The following DOCK10 variants were observed in gnomAD, a reference collection of about 807,000 sequenced individuals.
The protein encoded by DOCK10 is dedicator of cytokinesis 10.
A neutral mutation model predicts 280.1 loss-of-function variants in DOCK10; 145 were observed. That is an observed-to-expected ratio of 0.52 (90% CI 0.45 to 0.59). DOCK10 has a LOEUF of 0.59. Among genes scored for constraint, DOCK10 ranks in the 20% least tolerant of loss-of-function variants. DOCK10 has a pLI of 0.00. For missense variants in DOCK10, 2,368 were observed against 2,651.7 expected, an observed-to-expected ratio of 0.89 and a Z score of 2.35; for synonymous variants, 915 against 942.2, an observed-to-expected ratio of 0.97 and a Z score of 0.53.
At chr2:224,983,554 G>C (rs994887989) in intron 1 of DOCK10, 1 of 293,516 alleles carries the variant, frequency 3.4e-6, no homozygotes, top group African/African-American at 2.2e-5. Context: ...GGCGTGAAGG[G>C]TGCTGCAGGA....
intron 23 of DOCK10, 61 bp downstream of exon 23, chr2:224,841,741 TAA>T: frequency 8.6e-7 from 1 of 1,156,722 alleles, no homozygotes; most frequent in South Asian, 1.3e-5. Context: ...GTGGAAAATG[TAA>T]AAGTCTCTTT....
chr2:224,830,514 A>G, intron 27 of DOCK10, 27 bp downstream of exon 27: 1 of 1,198,512 alleles, frequency 8.3e-7, no homozygotes, highest in Admixed American at 2.9e-5. Flanking sequence ...TAAAAATATT[A>G]TAATATTATA....
intron 32 of DOCK10, 32 bp downstream of exon 32, chr2:224,807,879 G>A: frequency 1.3e-6 from 2 of 1,599,942 alleles, no homozygotes; most frequent in Non-Finnish European, 1.7e-6. Context: ...ATTAAATGGT[G>A]TTTAGGGAAG....
At position 224,770,730 on chromosome 2, in the gene DOCK10, A is replaced by G; in HGVS notation, c.6205-85T>C. 2 of 951,264 alleles carry G rather than the reference A, an allele frequency of 2.1e-6. No homozygotes were observed. The highest frequency in any genetic ancestry group is 2.4e-5 in the East Asian group (1 of 41,160). 58.9% of individuals were successfully genotyped at this position (951,264 alleles called of 1,614,324 possible). On this transcript the variant is annotated intron_variant, in intron 53 of 55. Coordinates refer to ENST00000258390, the MANE Select transcript of DOCK10 (RefSeq NM_014689.3). This position sits in a 1 kb window ranked among gnomAD's most constrained non-coding sequence, Gnocchi z 4.5. ...CTGGAAGAGGAGCAACTGTGCACCA[A>G]TGGTGTGGTACCCCCATCTCACACC...
intron 51 of DOCK10, among the ~76,000 whole-genome samples, 178 bp from the exon 52 acceptor site, chr2:224,775,293 G>A (rs1473235425): frequency 6.6e-6 from 1 of 152,172 alleles, no homozygotes; most frequent in Non-Finnish European, 1.5e-5. Context: ...AGGCTGGACT[G>A]CAGCTGAGCA....
intron 1 of DOCK10, among the ~76,000 whole-genome samples, chr2:225,012,316 C>T (rs4673129): frequency 0.74 from 112,318 of 152,102 alleles, 42,415 homozygotes; most frequent in Middle Eastern, 0.87. Flanking sequence ...GCTGAACGTA[C>T]CCTGAATTAC....
rs574888397 is a variant in DOCK10 at position 224,885,330 on chromosome 2, T to A, written c.747+341A>T. On this transcript the variant is annotated intron_variant, in intron 7 of 55. Transcript: ENST00000258390. ...CTCATTCTTTGGTCTGTAGATCAAA[T>A]GATCTCTCTTCAAAAATGCTCTTCT... Among the ~76,000 whole-genome samples, 10 of 152,340 alleles carry A rather than the reference T, an allele frequency of 6.6e-5. No individual in the cohort carries two copies. In the East Asian group the frequency reaches 1.9e-3, roughly 29 times the overall value.
intron 2 of DOCK10, among the ~76,000 whole-genome samples, chr2:224,919,696 G>A (rs928496449): frequency 6.6e-6 from 1 of 151,946 alleles, no homozygotes; most frequent in Non-Finnish European, 1.5e-5. Flanking sequence ...TGGGTGTGAT[G>A]TGTTGGTGTG....
At position 225,042,353 on chromosome 2, in the gene DOCK10, T is replaced by C; in HGVS notation, c.22A>G (p.Arg8Gly). ...GGTCTCAACAGGCTCCGGGTGAACC[T>C]GCGGGTCCGCTCACCGGCCATCGCC... is the stretch of plus-strand genomic sequence containing the variant. The part of the protein sequence containing the change: MAGERTR[R>G]FTRSLLRPGQ... The change falls in exon 1 of 56, where the codon AGG (arginine) becomes GGG (glycine). Residue 8 changes from arginine (R) to glycine (G), a missense_variant. Physicochemically the swap from Arg to Gly is moderately radical, Grantham distance 125. Transcript: ENST00000258390. The surrounding 1 kb of genome is among the most constrained non-coding windows in gnomAD (Gnocchi z 5.1). 1.6e-6 allele frequency: 2 copies of C among 1,266,830 alleles called. No individual in the cohort carries two copies. Among genetic ancestry groups the C allele is most frequent in the African/African-American group, 1.6e-5 (1 of 63,768 alleles). The allele number at this position is 1,266,830 out of a possible 1,614,324, so 78.5% of individuals were successfully genotyped here.
intron 4 of DOCK10, among the ~76,000 whole-genome samples, chr2:224,895,841 G>GTATATATATATATATATATATA (rs71410338): frequency 1.5e-5 from 2 of 136,166 alleles, no homozygotes; most frequent in Non-Finnish European, 1.5e-5. Flanking sequence ...GCGTGTGTGT[G>GTATATATATATATATATATATA]TATATATATA....
chr2:224,869,804 T>TTG (rs1698153796), intron 11 of DOCK10, among the ~76,000 whole-genome samples: 1 of 152,182 alleles, frequency 6.6e-6, no homozygotes, highest in African/African-American at 2.4e-5. Flanking sequence ...ATATGGGTCT[T>TTG]AGTACAAAGA....
chr2:224,938,980 T>A (rs1291787257), intron 1 of DOCK10, among the ~76,000 whole-genome samples: 2 of 152,164 alleles, frequency 1.3e-5, no homozygotes, highest in Non-Finnish European at 2.9e-5. Context: ...ACCACACAGT[T>A]TCATGAGAAT....
intron 1 of DOCK10, among the ~76,000 whole-genome samples, chr2:225,035,572 A>ATATTATATATATATATATATATATATAT (rs71062971): frequency 1.6e-4 from 11 of 69,960 alleles, no homozygotes; most frequent in South Asian, 4.9e-4. Flanking sequence ...ATATATATAT[A>ATATTATATATATATATATATATATATAT]TATATATATA....
intron 31 of DOCK10, among the ~76,000 whole-genome samples, chr2:224,808,957 C>G (rs1031835197): frequency 1.1e-4 from 17 of 151,934 alleles, no homozygotes; most frequent in African/African-American, 4.1e-4. Context: ...AAGAGTAACT[C>G]ACTAGGAAAA....
At chr2:224,933,191 T>C (rs1426954734) in intron 1 of DOCK10, among the ~76,000 whole-genome samples, 1 of 152,238 alleles carries the variant, frequency 6.6e-6, no homozygotes, top group African/African-American at 2.4e-5. Flanking sequence ...AGAGATGCTA[T>C]GGCATGACTT....
chr2:224,771,133 G>T (rs1004748217), intron 53 of DOCK10, among the ~76,000 whole-genome samples: 1 of 151,650 alleles, frequency 6.6e-6, no homozygotes, highest in East Asian at 1.9e-4. Context: ...ACGGGGGAAG[G>T]GGGGCGGTCT....
intron 1 of DOCK10, among the ~76,000 whole-genome samples, chr2:224,933,735 T>C (rs1282137665): frequency 6.6e-6 from 1 of 152,248 alleles, no homozygotes; most frequent in Non-Finnish European, 1.5e-5. Context: ...ATAACACTTT[T>C]ATCTTCTCCC....
chr2:224,804,585 T>C (rs892202308), intron 38 of DOCK10, among the ~76,000 whole-genome samples: 2 of 152,088 alleles, frequency 1.3e-5, no homozygotes, highest in Non-Finnish European at 2.9e-5. Flanking sequence ...TTTGTGCTTT[T>C]CTCCCTAGAC....
chr2:224,941,809 A>T (rs1703100497), intron 1 of DOCK10, among the ~76,000 whole-genome samples: 1 of 151,138 alleles, frequency 6.6e-6, no homozygotes, highest in Admixed American at 6.6e-5. Context: ...TCATCACTGT[A>T]ATCCAGCCTG....
Sources: allele counts gnomAD v4.1 joint callset (sites outside exome capture counted in the v4.1 genomes callset), GRCh38; gene constraint gnomAD v4.1.1; non-coding constraint Gnocchi (gnomAD v3.1); transcripts MANE v1.5; gene names NCBI Gene and HGNC (gene_info 2026-07-23, HGNC 2026-07-21).